WDR72: variants seen among roughly 807,000 people sequenced by gnomAD.
WDR72 encodes WD repeat domain 72.
WDR72 carries 120 observed loss-of-function variants against 124.2 expected under a neutral mutation model. That is an observed-to-expected ratio of 0.97 (90% CI 0.83 to 1.12). The LOEUF is 1.12. WDR72 is among the 50% of genes most tolerant of loss of function. The probability of loss-of-function intolerance (pLI) is 0.00; values close to 1 mark genes in which losing one functional copy is unlikely to be tolerated. For synonymous variants in WDR72, 452 were observed against 441.7 expected, an observed-to-expected ratio of 1.02 and a Z score of -0.29; for missense variants, 1,387 against 1,278.8, an observed-to-expected ratio of 1.08 and a Z score of -1.29.
chr15:53,583,193 T>C (rs1480956570), intron 18 of WDR72, among the ~76,000 whole-genome samples: 1 of 151,976 alleles, frequency 6.6e-6, no homozygotes, highest in Non-Finnish European at 1.5e-5. Context: ...TGTACCTTAG[T>C]GTTCCTCTCA....
chr15:53,597,975 C>A (rs993769075), intron 17 of WDR72, among the ~76,000 whole-genome samples: 1 of 152,118 alleles, frequency 6.6e-6, no homozygotes, highest in African/African-American at 2.4e-5. Flanking sequence ...CTTCTGATCC[C>A]TGATTCTATG....
chr15:53,556,283 C>A (rs1473257093), intron 18 of WDR72, among the ~76,000 whole-genome samples: 1 of 152,098 alleles, frequency 6.6e-6, no homozygotes, highest in African/African-American at 2.4e-5. Context: ...TTAAACTTAT[C>A]AGCATAAGAA....
chr15:53,698,268 C>T (rs1595858360), intron 13 of WDR72, among the ~76,000 whole-genome samples: 1 of 152,218 alleles, frequency 6.6e-6, no homozygotes, highest in Middle Eastern at 3.4e-3. Flanking sequence ...CTCGTGAGTG[C>T]CCAGATATTT....
intron 9 of WDR72, among the ~76,000 whole-genome samples, chr15:53,706,333 T>TGTGC (rs1420920863): frequency 5.7e-5 from 2 of 35,358 alleles, no homozygotes; most frequent in East Asian, 2.0e-3. Flanking sequence ...TATATGTGCG[T>TGTGC]GTGTGTGTGT....
At chr15:53,544,565 G>A (rs925266800) in intron 18 of WDR72, among the ~76,000 whole-genome samples, 1 of 148,628 alleles carries the variant, frequency 6.7e-6, no homozygotes, top group Non-Finnish European at 1.5e-5. Context: ...ATACTGAATG[G>A]GCAAAAACTG....
chr15:53,543,286 CAA>C, intron 18 of WDR72, among the ~76,000 whole-genome samples: 1 of 150,848 alleles, frequency 6.6e-6, no homozygotes, highest in South Asian at 2.1e-4. Context: ...GAGATTATAA[CAA>C]ACTATCTCTC....
At chr15:53,648,631 T>A (rs1745326534) in intron 14 of WDR72, among the ~76,000 whole-genome samples, 1 of 152,148 alleles carries the variant, frequency 6.6e-6, no homozygotes, top group South Asian at 2.1e-4. Flanking sequence ...TGTATTCACA[T>A]AACGAATAAC....
chr15:53,537,767 A>T (rs1438780046), intron 18 of WDR72, among the ~76,000 whole-genome samples: 1 of 152,170 alleles, frequency 6.6e-6, no homozygotes, highest in African/African-American at 2.4e-5. Context: ...AGGTCAAGAC[A>T]TTTTATTTTA....
intron 17 of WDR72, among the ~76,000 whole-genome samples, chr15:53,599,245 T>C (rs538063959): frequency 6.6e-6 from 1 of 152,298 alleles, no homozygotes; most frequent in South Asian, 2.1e-4. Flanking sequence ...CATGATGGGA[T>C]ATATTTTATT....
chr15:53,550,586 C>T (rs532593681), intron 18 of WDR72, among the ~76,000 whole-genome samples: 1 of 152,320 alleles, frequency 6.6e-6, no homozygotes, highest in East Asian at 1.9e-4. Context: ...TTTAAAGACT[C>T]ATTCAACCAC....
At chr15:53,538,185 G>T (rs1019420873) in intron 18 of WDR72, among the ~76,000 whole-genome samples, 2 of 152,134 alleles carry the variant, frequency 1.3e-5, no homozygotes, top group African/African-American at 2.4e-5. Flanking sequence ...GCCTTTTAGA[G>T]AACTGATTTG....
chr15:53,671,277 T>A (rs1452636954), intron 13 of WDR72, among the ~76,000 whole-genome samples: 1 of 152,156 alleles, frequency 6.6e-6, no homozygotes, highest in Non-Finnish European at 1.5e-5. Context: ...AACAAACAAA[T>A]TTTTTCCTGC....
intron 1 of WDR72, among the ~76,000 whole-genome samples, chr15:53,752,336 A>G (rs532631721): frequency 6.6e-6 from 1 of 152,240 alleles, no homozygotes; most frequent in Admixed American, 6.5e-5. Flanking sequence ...TTGTGGCTAT[A>G]ATTAATTAAG....
intron 14 of WDR72, among the ~76,000 whole-genome samples, chr15:53,638,831 C>T (rs113365018): frequency 0.078 from 11,829 of 151,762 alleles, 1,543 homozygotes; most frequent in African/African-American, 0.27. Context: ...GGCAAAACCC[C>T]GTCTCTACTA....
chr15:53,631,865 C>G (rs1424507326), intron 14 of WDR72, among the ~76,000 whole-genome samples: 1 of 152,094 alleles, frequency 6.6e-6, no homozygotes, highest in Admixed American at 6.5e-5. Context: ...TTCTAAAAGC[C>G]TATCTCATAT....
intron 18 of WDR72, among the ~76,000 whole-genome samples, chr15:53,586,512 C>T (rs2012222978): frequency 6.6e-6 from 1 of 152,018 alleles, no homozygotes; most frequent in Non-Finnish European, 1.5e-5. Flanking sequence ...GGGTAACAGT[C>T]CATCTAATTT....
intron 1 of WDR72, among the ~76,000 whole-genome samples, chr15:53,753,796 T>C (rs1031173195): frequency 6.6e-6 from 1 of 152,216 alleles, no homozygotes; most frequent in African/African-American, 2.4e-5. Context: ...GCCAACTGTG[T>C]TCCAGACCTT....
chr15:53,550,384 C>T (rs905207501), intron 18 of WDR72, among the ~76,000 whole-genome samples: 9 of 152,158 alleles, frequency 5.9e-5, no homozygotes, highest in African/African-American at 2.2e-4. Context: ...TTATGGTTTG[C>T]AGACCTCTCG....
chr15:53,655,482 A>T (rs1350733313), intron 14 of WDR72, among the ~76,000 whole-genome samples: 1 of 150,394 alleles, frequency 6.6e-6, no homozygotes, highest in Non-Finnish European at 1.5e-5. Flanking sequence ...ATGAAGAGAA[A>T]GGACCCATAC....
Sources: gnomAD v4.1 joint callset for allele counts (sites outside exome capture counted in the v4.1 genomes callset) on GRCh38, gnomAD v4.1.1 for gene constraint, MANE v1.5 for transcripts, NCBI Gene and HGNC (gene_info 2026-07-23, HGNC 2026-07-21) for gene names.